The following DSCAM variants were observed in gnomAD, a reference collection of about 807,000 sequenced individuals.
The protein encoded by DSCAM is DS cell adhesion molecule, also known as cell adhesion molecule DSCAM.
Under a neutral mutation model 217.7 loss-of-function variants are expected in DSCAM, and 47 were observed. The ratio of observed to expected loss-of-function variants is 0.22; its 90% CI spans 0.17 to 0.28. The LOEUF is 0.28. Among genes scored for constraint, DSCAM ranks in the 10% least tolerant of loss-of-function variants. The pLI is 1.00. For missense variants in DSCAM, 2,080 were observed against 2,618.3 expected (o/e 0.79, Z 4.49); for synonymous variants, 1,056 against 1,015.3 (o/e 1.04, Z -0.76).
intron 1 of DSCAM, among the ~76,000 whole-genome samples, chr21:40,761,336 G>T (rs2091332814): frequency 6.6e-6 from 1 of 151,798 alleles, no homozygotes; most frequent in Non-Finnish European, 1.5e-5. Context: ...CCTGGCTCAT[G>T]GCCCCCCCTC....
At chr21:40,549,030 C>G (rs891770937) in intron 3 of DSCAM, among the ~76,000 whole-genome samples, 1 of 152,028 alleles carries the variant, frequency 6.6e-6, no homozygotes, top group East Asian at 1.9e-4. Flanking sequence ...ATGGTGAAAC[C>G]CCATCTCTAC....
At chr21:40,173,678 T>C (rs1445398155) in intron 15 of DSCAM, among the ~76,000 whole-genome samples, 1 of 152,130 alleles carries the variant, frequency 6.6e-6, no homozygotes, top group Non-Finnish European at 1.5e-5. Flanking sequence ...CCTTCTGCCC[T>C]CATTCCATCC....
chr21:40,295,252 T>C (rs959517161), intron 10 of DSCAM, among the ~76,000 whole-genome samples: 2 of 151,742 alleles, frequency 1.3e-5, no homozygotes, highest in East Asian at 1.9e-4. Context: ...TCAACTAATA[T>C]AGTACTGAAT....
intron 1 of DSCAM, among the ~76,000 whole-genome samples, chr21:40,823,959 GAAA>G: frequency 7.3e-6 from 1 of 137,580 alleles, no homozygotes; most frequent in Admixed American, 7.2e-5. Context: ...AGTCTCAAAA[GAAA>G]AAAAAAAAGT....
chr21:40,510,758 G>A (rs1000293286), intron 3 of DSCAM, among the ~76,000 whole-genome samples: 1 of 152,182 alleles, frequency 6.6e-6, no homozygotes, highest in Non-Finnish European at 1.5e-5. Flanking sequence ...TTCCCATTCT[G>A]AAACAAATCA....
rs116384775 is a variant in DSCAM at position 40,699,180 on chromosome 21, T to C, written c.362-6224A>G. 6.2e-3 allele frequency among the ~76,000 whole-genome samples: 948 copies of C among 152,286 alleles called. 9 individuals are homozygous for C. The highest frequency in any genetic ancestry group is 0.022 in the African/African-American group (909 of 41,546). On this transcript the variant is annotated intron_variant, in intron 2 of 32. Coordinates refer to ENST00000400454, the MANE Select transcript of DSCAM (RefSeq NM_001389.5). The stretch of plus-strand genomic sequence containing the variant: ...ACGGTGATCATTGATCAGTGATCTT[T>C]GATATTACTATTGTAATTGTTTTGC...
chr21:40,472,515 T>C (rs142796234), intron 3 of DSCAM, among the ~76,000 whole-genome samples: 122 of 152,360 alleles, frequency 8.0e-4, no homozygotes, highest in African/African-American at 2.7e-3. Context: ...TTGTATTGGA[T>C]ATACTGTTTC....
chr21:40,566,721 T>C (rs967832105), intron 3 of DSCAM, among the ~76,000 whole-genome samples: 1 of 152,142 alleles, frequency 6.6e-6, no homozygotes, highest in East Asian at 1.9e-4. Context: ...AAAAGTCTGC[T>C]AGGAAGAGAA....
At chr21:40,758,391 C>A (rs371976453) in intron 1 of DSCAM, among the ~76,000 whole-genome samples, 1 of 151,828 alleles carries the variant, frequency 6.6e-6, no homozygotes, top group East Asian at 1.9e-4. Flanking sequence ...GTGGCAGGCG[C>A]CTGTAGTCCC....
intron 3 of DSCAM, among the ~76,000 whole-genome samples, chr21:40,546,338 G>A (rs2076582312): frequency 6.6e-6 from 1 of 152,226 alleles, no homozygotes; most frequent in Non-Finnish European, 1.5e-5. Context: ...CCCAGTCAGT[G>A]ACATCTCTGC....
intron 10 of DSCAM, among the ~76,000 whole-genome samples, chr21:40,291,443 C>G (rs541303709): frequency 6.6e-6 from 1 of 152,218 alleles, no homozygotes; most frequent in Non-Finnish European, 1.5e-5. Context: ...ACCCACTCCC[C>G]ACTTGGGCAG....
chr21:40,138,183 C>T (rs1286859182), intron 18 of DSCAM, among the ~76,000 whole-genome samples: 2 of 151,950 alleles, frequency 1.3e-5, no homozygotes, highest in Admixed American at 1.3e-4. Context: ...AGTATTCGGG[C>T]TATTGCTAAT....
chr21:40,640,325 A>T (rs568385281), intron 3 of DSCAM, among the ~76,000 whole-genome samples: 1 of 152,156 alleles, frequency 6.6e-6, no homozygotes, highest in East Asian at 1.9e-4. Context: ...TGATGTGCAA[A>T]CCTCAGTCCC....
intron 3 of DSCAM, among the ~76,000 whole-genome samples, chr21:40,504,304 G>A (rs2837661): frequency 0.087 from 13,208 of 152,216 alleles, 671 homozygotes; most frequent in Middle Eastern, 0.16. Flanking sequence ...TCCTCAGCCA[G>A]GAGGGCATCA....
At chr21:40,236,113 T>C (rs981786489) in intron 11 of DSCAM, among the ~76,000 whole-genome samples, 3 of 152,190 alleles carry the variant, frequency 2.0e-5, no homozygotes, top group Non-Finnish European at 4.4e-5. Flanking sequence ...TGCAGCTGCA[T>C]GTATTAAAGA....
At chr21:40,672,387 C>T (rs2090287788) in intron 3 of DSCAM, among the ~76,000 whole-genome samples, 1 of 152,096 alleles carries the variant, frequency 6.6e-6, no homozygotes, top group South Asian at 2.1e-4. Context: ...GTCCCTGTGT[C>T]TCTTTTTGCT....
chr21:40,741,623 A>G (rs2146543641), intron 1 of DSCAM, among the ~76,000 whole-genome samples: 1 of 152,268 alleles, frequency 6.6e-6, no homozygotes, highest in South Asian at 2.1e-4. Flanking sequence ...ATGAAGTCTG[A>G]GAACCACTCT....
At chr21:40,574,381 T>A (rs959723756) in intron 3 of DSCAM, among the ~76,000 whole-genome samples, 1 of 152,190 alleles carries the variant, frequency 6.6e-6, no homozygotes, top group African/African-American at 2.4e-5. Flanking sequence ...ATTATATAAC[T>A]ATCTCAATAC....
At chr21:40,401,804 G>C (rs1254325653) in intron 3 of DSCAM, among the ~76,000 whole-genome samples, 1 of 150,478 alleles carries the variant, frequency 6.6e-6, no homozygotes, top group African/African-American at 2.5e-5. Flanking sequence ...CCTTCCAAAG[G>C]GGCCCCATGT....
Sources: gnomAD v4.1 joint callset for allele counts (sites outside exome capture counted in the v4.1 genomes callset) on GRCh38, gnomAD v4.1.1 for gene constraint, MANE v1.5 for transcripts, NCBI Gene and HGNC (gene_info 2026-07-23, HGNC 2026-07-21) for gene names.